Variants in MGMT observed in about 807,000 individuals in gnomAD.
MGMT encodes the protein methylated-DNA--protein-cysteine methyltransferase.
Under a neutral mutation model 15.9 loss-of-function variants are expected in MGMT, and 14 were observed. The ratio of observed to expected loss-of-function variants is 0.88; its 90% CI spans 0.58 to 1.37. The LOEUF (loss-of-function observed/expected upper bound fraction) is 1.37. Among genes scored for constraint, MGMT ranks in the 40% most tolerant of loss-of-function variants. MGMT has a pLI of 0.00. For synonymous variants in MGMT, 130 were observed against 118.2 expected, an observed-to-expected ratio of 1.10 and a Z score of -0.65; for missense variants, 282 against 268.1, an observed-to-expected ratio of 1.05 and a Z score of -0.36.
At chr10:129,726,248 G>A (rs1014266314) in intron 3 of MGMT, among the ~76,000 whole-genome samples, 1 of 152,118 alleles carries the variant, frequency 6.6e-6, no homozygotes, top group African/African-American at 2.4e-5. Context: ...TTGAACCTGG[G>A]TCCTTCTGAC....
intron 1 of MGMT, among the ~76,000 whole-genome samples, chr10:129,494,002 A>G (rs1216567183): frequency 6.6e-6 from 1 of 152,144 alleles, no homozygotes; most frequent in East Asian, 1.9e-4. Context: ...ATTTTTGGAG[A>G]TGGCATAGTG....
intron 2 of MGMT, among the ~76,000 whole-genome samples, chr10:129,574,018 A>C (rs949311886): frequency 1.3e-5 from 2 of 152,248 alleles, no homozygotes; most frequent in African/African-American, 4.8e-5. Flanking sequence ...CAAGGGCAAC[A>C]TGTCCCCCGA....
chr10:129,590,345 T>C (rs1412603870), intron 2 of MGMT, among the ~76,000 whole-genome samples: 1 of 152,226 alleles, frequency 6.6e-6, no homozygotes, highest in Non-Finnish European at 1.5e-5. Flanking sequence ...CCCTGAAAAG[T>C]ACCTGGATCC....
At chr10:129,524,417 C>A (rs538886314) in intron 1 of MGMT, among the ~76,000 whole-genome samples, 110 of 152,248 alleles carry the variant, frequency 7.2e-4, no homozygotes, top group African/African-American at 2.5e-3. Context: ...TGCGTGTACA[C>A]CTGAGTGTAC....
rs140684473 is a variant in MGMT, at chr10:129,503,154, A to G, written c.-12-33087A>G. ...TCCAGCTCCTATTCTTCAGGTGTGC[A>G]GCTATTTTAGTATTATGAAGAATGA... On this transcript the variant is annotated intron_variant, in intron 1 of 4. Coordinates refer to ENST00000651593, the MANE Select transcript of MGMT (RefSeq NM_002412.5). Among the ~76,000 whole-genome samples, 966 of 151,082 alleles carry G rather than the reference A, an allele frequency of 6.4e-3. 10 individuals carry two copies. The highest frequency in any genetic ancestry group is 0.023 in the African/African-American group (927 of 41,098).
intron 2 of MGMT, among the ~76,000 whole-genome samples, chr10:129,636,816 A>G (rs962720444): frequency 2.6e-5 from 4 of 152,266 alleles, no homozygotes; most frequent in East Asian, 1.9e-4. Flanking sequence ...TGAGTCAATC[A>G]GAATTATACA....
chr10:129,529,183 G>T (rs1037679967), intron 1 of MGMT, among the ~76,000 whole-genome samples: 1 of 151,790 alleles, frequency 6.6e-6, no homozygotes, highest in Non-Finnish European at 1.5e-5. Context: ...CAGGGGGAGC[G>T]GGGGCGTGGG....
chr10:129,488,347 G>A (rs573551883), intron 1 of MGMT, among the ~76,000 whole-genome samples: 8 of 152,076 alleles, frequency 5.3e-5, no homozygotes, highest in African/African-American at 1.7e-4. Flanking sequence ...GCATCTTTTC[G>A]TGTTGCCATT....
chr10:129,675,986 G>A (rs190815912), intron 2 of MGMT, among the ~76,000 whole-genome samples: 69 of 152,316 alleles, frequency 4.5e-4, no homozygotes, highest in African/African-American at 1.4e-3. Flanking sequence ...TGTCACCATT[G>A]AGTAGCTGCT....
intron 2 of MGMT, among the ~76,000 whole-genome samples, chr10:129,654,299 G>GA (rs1002927691): frequency 2.6e-5 from 4 of 152,260 alleles, no homozygotes; most frequent in African/African-American, 9.6e-5. Flanking sequence ...GCAGGGCGTG[G>GA]AGCAGGTGCC....
chr10:129,520,547 C>T (rs1299369301), intron 1 of MGMT, among the ~76,000 whole-genome samples: 2 of 151,230 alleles, frequency 1.3e-5, no homozygotes, highest in Non-Finnish European at 3.0e-5. Context: ...TACAGAGCCC[C>T]TACCGTGCAG....
chr10:129,689,338 G>C (rs1440302173), intron 2 of MGMT, among the ~76,000 whole-genome samples: 4 of 152,164 alleles, frequency 2.6e-5, no homozygotes, highest in African/African-American at 9.7e-5. Context: ...AGTTTGCAGT[G>C]TTTCTAAGCT....
intron 2 of MGMT, among the ~76,000 whole-genome samples, chr10:129,602,463 C>T (rs1313191250): frequency 6.6e-6 from 1 of 152,104 alleles, no homozygotes; most frequent in Non-Finnish European, 1.5e-5. Flanking sequence ...GCGGATTCAC[C>T]AAAATGAAGT....
rs755467945 is a variant in MGMT, at chr10:129,570,385, T to C, written c.125+34008T>C. Among the ~76,000 whole-genome samples, 49 of 152,364 alleles carry C rather than the reference T, an allele frequency of 3.2e-4. 1 individual carries two copies. Among genetic ancestry groups the C allele is most frequent in the Non-Finnish European group, 6.5e-4 (44 of 68,040 alleles). ...ACGCTGATTGAGGTGTGTCACCAAA[T>C]ATGCTGCAGATCCGGGGCCAGCCCA... On this transcript the variant is annotated intron_variant, in intron 2 of 4. Coordinates refer to ENST00000651593, the MANE Select transcript of MGMT (RefSeq NM_002412.5).
intron 2 of MGMT, among the ~76,000 whole-genome samples, chr10:129,660,550 C>G (rs1283810179): frequency 6.6e-6 from 1 of 152,134 alleles, no homozygotes; most frequent in Non-Finnish European, 1.5e-5. Context: ...GGAAGGGCAG[C>G]TTTTCTGTCC....
intron 4 of MGMT, 34 bp from the exon 5 acceptor site, chr10:129,766,754 C>G: frequency 1.3e-5 from 21 of 1,589,960 alleles, no homozygotes; most frequent in Non-Finnish European, 1.7e-5. Flanking sequence ...TGTCCAGATC[C>G]CTGACTGACA....
chr10:129,566,914 C>T lies in MGMT; in HGVS notation c.125+30537C>T, dbSNP rs920980878. Among the ~76,000 whole-genome samples the T allele has an allele frequency of 2.6e-5, 4 of 152,050 alleles. No individual in the cohort carries two copies. Among genetic ancestry groups the T allele is most frequent in the African/African-American group, 9.7e-5 (4 of 41,416 alleles). On this transcript the variant is annotated intron_variant, in intron 2 of 4. Coordinates refer to ENST00000651593, the MANE Select transcript of MGMT (RefSeq NM_002412.5). This position sits in a 1 kb window ranked among gnomAD's most constrained non-coding sequence, Gnocchi z 4.1. ...GAGACTGAGTGGCCAGTGAGCAATC[C>T]GTCATCAATGGAGATCAATACCCAG...
intron 1 of MGMT, among the ~76,000 whole-genome samples, chr10:129,483,029 A>G (rs1025271390): frequency 6.6e-6 from 1 of 152,136 alleles, no homozygotes; most frequent in Non-Finnish European, 1.5e-5. Context: ...AATGATTCCA[A>G]TTTAACATTC....
intron 2 of MGMT, among the ~76,000 whole-genome samples, chr10:129,560,995 G>GTT (rs1401796438): frequency 6.9e-6 from 1 of 144,158 alleles, no homozygotes; most frequent in African/African-American, 2.8e-5. Flanking sequence ...GTGTGTGTGT[G>GTT]TGTTCCTTTC....
Sources: allele counts gnomAD v4.1 joint callset (sites outside exome capture counted in the v4.1 genomes callset), GRCh38; gene constraint gnomAD v4.1.1; non-coding constraint Gnocchi (gnomAD v3.1); transcripts MANE v1.5; gene names NCBI Gene and HGNC (gene_info 2026-07-23, HGNC 2026-07-21).